ETFA: variants seen among roughly 807,000 people sequenced by gnomAD.
The protein encoded by ETFA is electron transfer flavoprotein subunit alpha, mitochondrial.
Under a neutral mutation model 46.2 loss-of-function variants are expected in ETFA, and 22 were observed. The ratio of observed to expected loss-of-function variants is 0.48; its 90% CI spans 0.34 to 0.68. The LOEUF (loss-of-function observed/expected upper bound fraction) is 0.68. Ranked by LOEUF, ETFA falls within the 30% of genes least tolerant of loss-of-function variation. The pLI is 0.01. For synonymous variants in ETFA, 131 were observed against 139.9 expected, an observed-to-expected ratio of 0.94 and a Z score of 0.45; for missense variants, 345 against 401.1, an observed-to-expected ratio of 0.86 and a Z score of 1.19.
At chr15:76,310,306 A>G (rs1200629253) in intron 1 of ETFA, among the ~76,000 whole-genome samples, 1 of 149,294 alleles carries the variant, frequency 6.7e-6, no homozygotes, top group Non-Finnish European at 1.5e-5. Context: ...ACATCTAGAA[A>G]GAGCTCCAGC....
rs572208684 is a variant in ETFA at position 76,279,696 on chromosome 15, G to A, written c.733+4061C>T. On this transcript the variant is annotated intron_variant, in intron 8 of 11. Transcript: ENST00000557943. The stretch of plus-strand genomic sequence containing the variant: ...CAATAGTCAATCTTCAGTCCTCACC[G>A]TCCTTGACCTGTTAGCAGTGTGTGT... Among the ~76,000 whole-genome samples the A allele has an allele frequency of 3.9e-4, 59 of 152,184 alleles. 1 individual carries two copies. In the South Asian group the frequency reaches 0.01, roughly 26 times the overall value.
chr15:76,279,580 A>T (rs1002909437), intron 8 of ETFA, among the ~76,000 whole-genome samples: 3 of 151,946 alleles, frequency 2.0e-5, no homozygotes, highest in African/African-American at 7.3e-5. Flanking sequence ...CCTGGCCAGA[A>T]TTGTTCTTTT....
intron 9 of ETFA, among the ~76,000 whole-genome samples, chr15:76,235,975 T>G (rs2039118370): frequency 6.6e-6 from 1 of 152,198 alleles, no homozygotes; most frequent in Non-Finnish European, 1.5e-5. Flanking sequence ...AGAGGGATGA[T>G]TGGAATGAAA....
chr15:76,258,642 G>A (rs148745723), intron 9 of ETFA, among the ~76,000 whole-genome samples: 1 of 152,218 alleles, frequency 6.6e-6, no homozygotes, highest in East Asian at 1.9e-4. Flanking sequence ...CGGGACGGTA[G>A]AGCCTACAGG....
Position 76,263,574 on chromosome 15 carries a change from T to C in ETFA, c.816+10838A>G, listed in dbSNP as rs147300303. Among the ~76,000 whole-genome samples the C allele has an allele frequency of 7.1e-3, 1,078 of 152,340 alleles. 17 individuals are homozygous for C. The highest frequency in any genetic ancestry group is 0.025 in the African/African-American group (1,024 of 41,578). On this transcript the variant is annotated intron_variant, in intron 9 of 11. Transcript: ENST00000557943. ...GTACTCAGAATTTGTTATCACTCTTTAGTACAGTAAAGCAGTTTTGCCCAT... is the reference window on the plus strand; with the variant it reads ...GTACTCAGAATTTGTTATCACTCTTCAGTACAGTAAAGCAGTTTTGCCCAT...
At position 76,237,816 on chromosome 15, in the gene ETFA, A is replaced by G. The variant is rs181896371; in HGVS notation, c.817-6418T>C. Among the ~76,000 whole-genome samples, 158 of 152,332 alleles carry G rather than the reference A, an allele frequency of 1.0e-3. 1 individual carries two copies. The highest frequency in any genetic ancestry group is 0.01 in the Admixed American group (154 of 15,302). On this transcript the variant is annotated intron_variant, in intron 9 of 11. Transcript: ENST00000557943. ...GGTAACTATTACTATCTATATATCT[A>G]TAGTCAAGAAAGTTGTTACTAACTT...
chr15:76,234,770 G>A lies in ETFA; in HGVS notation c.817-3372C>T, dbSNP rs544784021. Among the ~76,000 whole-genome samples, 15 of 152,336 alleles carry A rather than the reference G, an allele frequency of 9.8e-5. No homozygotes were observed. In the South Asian group the frequency reaches 2.9e-3, roughly 29 times the overall value. ...GCGGAGAAGTAAAGCCACAGGATGG[G>A]AAGAGGACCAGAGCTTATTCTGAAA... On this transcript the variant is annotated intron_variant, in intron 9 of 11. Coordinates refer to ENST00000557943, the MANE Select transcript of ETFA (RefSeq NM_000126.4).
chr15:76,256,808 C>A (rs1390307212), intron 9 of ETFA, among the ~76,000 whole-genome samples: 1 of 152,172 alleles, frequency 6.6e-6, no homozygotes, highest in Non-Finnish European at 1.5e-5. Context: ...AACATCATAG[C>A]ACAACATATT....
chr15:76,233,450 C>T (rs1451450967), intron 9 of ETFA, among the ~76,000 whole-genome samples: 2 of 151,272 alleles, frequency 1.3e-5, no homozygotes, highest in Non-Finnish European at 2.9e-5. Context: ...CCGCCTCGGC[C>T]TCCCGAGCAG....
chr15:76,287,229 T>G (rs1464257908), intron 5 of ETFA, among the ~76,000 whole-genome samples: 1 of 152,204 alleles, frequency 6.6e-6, no homozygotes, highest in African/African-American at 2.4e-5. Context: ...TGTGGCATGA[T>G]CACAACTCAC....
intron 11 of ETFA, among the ~76,000 whole-genome samples, chr15:76,224,514 C>T (rs2038985981): frequency 6.6e-6 from 1 of 152,186 alleles, no homozygotes; most frequent in Admixed American, 6.5e-5. Context: ...CCATCCTTCA[C>T]TGAGCATGAA....
At chr15:76,276,279 C>T (rs988408966) in intron 8 of ETFA, among the ~76,000 whole-genome samples, 2 of 151,966 alleles carry the variant, frequency 1.3e-5, no homozygotes, top group Non-Finnish European at 1.5e-5. Flanking sequence ...ACTACACTCT[C>T]TTCTGCTTGC....
intron 8 of ETFA, among the ~76,000 whole-genome samples, chr15:76,279,816 C>T (rs1436317409): frequency 6.6e-6 from 1 of 152,066 alleles, no homozygotes; most frequent in Non-Finnish European, 1.5e-5. Flanking sequence ...ACTTATCACT[C>T]CTTTTTGGTC....
chr15:76,260,798 A>G (rs76823392), intron 9 of ETFA: 189,053 of 1,352,174 alleles, frequency 0.14, no homozygotes, highest in Middle Eastern at 0.17. Context: ...AGGGCCCCAA[A>G]GCATTGGCAC....
chr15:76,299,197 C>A (rs1308745071), intron 1 of ETFA, among the ~76,000 whole-genome samples: 1 of 152,228 alleles, frequency 6.6e-6, no homozygotes, highest in Non-Finnish European at 1.5e-5. Context: ...CCTGGGCTCT[C>A]AAAACTGTCT....
intron 1 of ETFA, among the ~76,000 whole-genome samples, chr15:76,302,800 G>A (rs2039893548): frequency 1.3e-5 from 2 of 152,136 alleles, no homozygotes; most frequent in African/African-American, 4.8e-5. Context: ...CTTTCCATTG[G>A]ATTTTGCTGT....
At chr15:76,239,362 A>G (rs531630150) in intron 9 of ETFA, among the ~76,000 whole-genome samples, 276 of 152,286 alleles carry the variant, frequency 1.8e-3, no homozygotes, top group African/African-American at 6.5e-3. Flanking sequence ...GCTAATTAAC[A>G]TATCTATCAC....
At chr15:76,274,211 T>A in intron 9 of ETFA, 1 of 573,578 alleles carries the variant, frequency 1.7e-6, no homozygotes, top group East Asian at 2.9e-5. Flanking sequence ...ACTTGAATAA[T>A]AAGCTGGATT....
chr15:76,289,154 G>A (rs2039733131), intron 4 of ETFA, among the ~76,000 whole-genome samples: 1 of 151,962 alleles, frequency 6.6e-6, no homozygotes, highest in Non-Finnish European at 1.5e-5. Flanking sequence ...GGCTGGTCTC[G>A]AATTCCTGGC....
Sources: gnomAD v4.1 joint callset for allele counts (sites outside exome capture counted in the v4.1 genomes callset) on GRCh38, gnomAD v4.1.1 for gene constraint, MANE v1.5 for transcripts, NCBI Gene and HGNC (gene_info 2026-07-23, HGNC 2026-07-21) for gene names.